CDH12: variants seen among roughly 807,000 people sequenced by gnomAD.
The protein encoded by CDH12 is cadherin-12.
CDH12 carries 41 observed loss-of-function variants against 74.1 expected under a neutral mutation model. That is an observed-to-expected ratio of 0.55 (90% CI 0.43 to 0.72). The LOEUF (loss-of-function observed/expected upper bound fraction) is 0.72. CDH12 is among the 30% of genes least tolerant of loss of function. CDH12 has a pLI of 0.00. For synonymous variants in CDH12, 399 were observed against 355.0 expected, an observed-to-expected ratio of 1.12 and a Z score of -1.39; for missense variants, 945 against 977.2, an observed-to-expected ratio of 0.97 and a Z score of 0.44.
chr5:22,635,850 G>T (rs1412245375), intron 1 of CDH12, among the ~76,000 whole-genome samples: 1 of 152,032 alleles, frequency 6.6e-6, no homozygotes, highest in Non-Finnish European at 1.5e-5. Context: ...GAAGGCTGAA[G>T]TTGCAGTCAG....
At chr5:22,613,753 C>T (rs987087230) in intron 1 of CDH12, among the ~76,000 whole-genome samples, 10 of 151,926 alleles carry the variant, frequency 6.6e-5, no homozygotes, top group African/African-American at 2.2e-4. Flanking sequence ...TATAGAGAAG[C>T]GATTGCTTTG....
At chr5:22,075,195 C>G (rs562207640) in intron 5 of CDH12, among the ~76,000 whole-genome samples, 2 of 150,974 alleles carry the variant, frequency 1.3e-5, no homozygotes, top group Non-Finnish European at 2.9e-5. Context: ...TCATTCTCAG[C>G]AAACTATCGC....
chr5:22,742,206 G>A (rs1374980264), intron 1 of CDH12, among the ~76,000 whole-genome samples: 1 of 150,964 alleles, frequency 6.6e-6, no homozygotes, highest in Non-Finnish European at 1.5e-5. Context: ...AAGAAAGAAA[G>A]AAAGGAAGAG....
chr5:22,775,529 A>G (rs1027109941), intron 1 of CDH12, among the ~76,000 whole-genome samples: 1 of 151,956 alleles, frequency 6.6e-6, no homozygotes, highest in African/African-American at 2.4e-5. Context: ...TACAGGAGTA[A>G]TTTTATACTA....
At chr5:22,104,243 A>G (rs1462175472) in intron 4 of CDH12, among the ~76,000 whole-genome samples, 21 of 152,208 alleles carry the variant, frequency 1.4e-4, no homozygotes, top group Admixed American at 1.4e-3. Flanking sequence ...ATACTAAAAA[A>G]TAATTAGCTC....
chr5:22,647,402 G>T (rs1032927899), intron 1 of CDH12, among the ~76,000 whole-genome samples: 1 of 151,554 alleles, frequency 6.6e-6, no homozygotes, highest in African/African-American at 2.4e-5. Context: ...ATATTAGTAA[G>T]CTTGGTATGC....
chr5:22,226,238 A>G (rs1045190203), intron 3 of CDH12, among the ~76,000 whole-genome samples: 10 of 151,730 alleles, frequency 6.6e-5, no homozygotes, highest in Non-Finnish European at 1.3e-4. Flanking sequence ...GATCCCAATG[A>G]CCCTCCCCCT....
intron 1 of CDH12, among the ~76,000 whole-genome samples, chr5:22,713,907 A>C (rs537141046): frequency 6.6e-6 from 1 of 152,210 alleles, no homozygotes; most frequent in Non-Finnish European, 1.5e-5. Context: ...GTTTAAAGTT[A>C]TACTATATTC....
intron 1 of CDH12, among the ~76,000 whole-genome samples, chr5:22,629,729 T>G (rs1032760387): frequency 2.0e-5 from 3 of 151,964 alleles, no homozygotes; most frequent in Admixed American, 2.0e-4. Context: ...CTTACTACTA[T>G]TGTTTAATGT....
Position 22,760,911 on chromosome 5 carries a change from C to A in CDH12, c.-523+92147G>T, listed in dbSNP as rs547341381. Among the ~76,000 whole-genome samples, 17 of 152,026 alleles carry A rather than the reference C, an allele frequency of 1.1e-4. No individual in the cohort carries two copies. In the Middle Eastern group the frequency reaches 0.01, roughly 91 times the overall value. ...CAGATCCACAACATGCACAAAAAAA[C>A]CCCACTTTTTTTATTGACAATTATT... On this transcript the variant is annotated intron_variant, in intron 1 of 14. Transcript: ENST00000382254.
chr5:22,771,913 G>A (rs1746828725), intron 1 of CDH12, among the ~76,000 whole-genome samples: 1 of 151,856 alleles, frequency 6.6e-6, no homozygotes, highest in African/African-American at 2.4e-5. Flanking sequence ...TTGTGTATAT[G>A]ATATATATAA....
Position 22,711,765 on chromosome 5 carries a change from A to T in CDH12, c.-523+141293T>A, listed in dbSNP as rs1399653095. On this transcript the variant is annotated intron_variant, in intron 1 of 14. Transcript: ENST00000382254. ...ACATGTTGTGAAATAACAAAGGAGAAATTAAGAGTTGATTGACTGATTTTC... is the reference window on the plus strand; with the variant it reads ...ACATGTTGTGAAATAACAAAGGAGATATTAAGAGTTGATTGACTGATTTTC... 3.9e-5 allele frequency among the ~76,000 whole-genome samples: 6 copies of T among 152,104 alleles called. No individual in the cohort carries two copies. The East Asian group carries it at 1.2e-3, about 29-fold the overall frequency.
intron 1 of CDH12, among the ~76,000 whole-genome samples, chr5:22,692,325 G>T (rs573233169): frequency 6.6e-6 from 1 of 152,238 alleles, no homozygotes; most frequent in South Asian, 2.1e-4. Flanking sequence ...AAATTATCCA[G>T]CCTCGGGTAT....
intron 2 of CDH12, among the ~76,000 whole-genome samples, chr5:22,405,958 ATAG>A (rs1742921850): frequency 6.6e-6 from 1 of 152,190 alleles, no homozygotes; most frequent in South Asian, 2.1e-4. Context: ...TTCTATGTAA[ATAG>A]TAGTTATACT....
chr5:21,900,918 G>A (rs531852861), intron 6 of CDH12, among the ~76,000 whole-genome samples: 1 of 152,286 alleles, frequency 6.6e-6, no homozygotes, highest in Non-Finnish European at 1.5e-5. Flanking sequence ...AGCCCACATA[G>A]CACATGCCAC....
At chr5:22,729,868 C>G (rs1007411465) in intron 1 of CDH12, among the ~76,000 whole-genome samples, 1 of 151,750 alleles carries the variant, frequency 6.6e-6, no homozygotes, top group Non-Finnish European at 1.5e-5. Flanking sequence ...CTGGTTCTGT[C>G]TTTATCTATT....
chr5:22,224,316 G>A lies in CDH12; in HGVS notation c.-332-11673C>T, dbSNP rs538836973. Reference sequence around the variant, plus strand: ...CTTAAGGTGAGCAAAATCATATTATGTCCATTTTACTGACAAATTGAGGCT... The same window carrying A: ...CTTAAGGTGAGCAAAATCATATTATATCCATTTTACTGACAAATTGAGGCT... On this transcript the variant is annotated intron_variant, in intron 3 of 14. Coordinates refer to ENST00000382254, the MANE Select transcript of CDH12 (RefSeq NM_004061.5). Among the ~76,000 whole-genome samples the A allele has an allele frequency of 1.0e-3, 159 of 152,088 alleles. 3 individuals carry two copies. Among genetic ancestry groups the A allele is most frequent in the Non-Finnish European group, 9.0e-4 (61 of 67,968 alleles).
intron 1 of CDH12, among the ~76,000 whole-genome samples, chr5:22,720,401 C>T (rs1743819300): frequency 6.6e-6 from 1 of 152,192 alleles, no homozygotes; most frequent in South Asian, 2.1e-4. Context: ...CCCTGCAGAA[C>T]TGTGAGTCAA....
chr5:22,257,693 G>A (rs1228341315), intron 3 of CDH12, among the ~76,000 whole-genome samples: 1 of 151,784 alleles, frequency 6.6e-6, no homozygotes, highest in Non-Finnish European at 1.5e-5. Context: ...TAGAGATGGG[G>A]TTTCACTATG....
Sources: gnomAD v4.1 joint callset for allele counts (sites outside exome capture counted in the v4.1 genomes callset) on GRCh38, gnomAD v4.1.1 for gene constraint, MANE v1.5 for transcripts, NCBI Gene and HGNC (gene_info 2026-07-23, HGNC 2026-07-21) for gene names.